Variants in TAF15 observed in about 807,000 individuals in gnomAD.
TAF15 encodes the protein TATA-binding protein-associated factor 2N.
In TAF15, 37 loss-of-function variants were observed where a neutral mutation model predicts 102.5. The ratio of observed to expected loss-of-function variants is 0.36; its 90% CI spans 0.28 to 0.47. TAF15 has a LOEUF of 0.47. TAF15 is among the 20% of genes least tolerant of loss of function. The probability of loss-of-function intolerance (pLI) is 0.99; values close to 1 mark genes in which losing one functional copy is unlikely to be tolerated. For synonymous variants in TAF15, 273 were observed against 259.2 expected (o/e 1.05, Z -0.51); for missense variants, 652 against 760.7 (o/e 0.86, Z 1.68).
At chr17:35,831,925 A>G (rs1348509720) in intron 7 of TAF15, among the ~76,000 whole-genome samples, 2 of 152,060 alleles carry the variant, frequency 1.3e-5, no homozygotes, top group Non-Finnish European at 2.9e-5. Flanking sequence ...TACTAAAAAT[A>G]CAAAAAATTA....
At chr17:35,830,779 G>A (rs188365125) in intron 7 of TAF15, among the ~76,000 whole-genome samples, 68 of 152,238 alleles carry the variant, frequency 4.5e-4, no homozygotes, top group African/African-American at 1.6e-3. Flanking sequence ...AATTACTTGG[G>A]GGATCTTATT....
intron 7 of TAF15, among the ~76,000 whole-genome samples, chr17:35,831,839 T>C (rs2087410337): frequency 1.3e-5 from 2 of 151,598 alleles, no homozygotes; most frequent in Admixed American, 1.3e-4. Context: ...TCCCAGCACT[T>C]TGGGAGCCTG....
In TAF15 at chr17:35,824,226, TTTC is replaced by T. The variant is rs577954608; in HGVS notation, c.605+38_605+40del. 4.2e-4 allele frequency: 676 copies of T among 1,605,708 alleles called. 9 individuals are homozygous for T. The South Asian group carries it at 5.0e-3, about 12-fold the overall frequency. On this transcript the variant is annotated intron_variant, in intron 7 of 15. Transcript: ENST00000605844. ...AAGTATGTAGATAAAGATGCGTACA[TTTC>T]TTCTTCTTCCTCTTTTTTTTTTTTT...
intron 1 of TAF15, chr17:35,816,767 T>G (rs1487041990): frequency 6.6e-6 from 1 of 151,404 alleles, no homozygotes; most frequent in Non-Finnish European, 1.5e-5. Context: ...GAAAAGCTCA[T>G]AGTTCAAATT....
chr17:35,820,798 CT>C (rs1181823847), intron 5 of TAF15, among the ~76,000 whole-genome samples: 1 of 152,006 alleles, frequency 6.6e-6, no homozygotes, highest in Admixed American at 6.6e-5. Flanking sequence ...AATATATTAA[CT>C]TTTCAGGGAC....
At chr17:35,839,122 T>A (rs1366316694) in intron 11 of TAF15, among the ~76,000 whole-genome samples, 1 of 151,216 alleles carries the variant, frequency 6.6e-6, no homozygotes, top group African/African-American at 2.4e-5. Flanking sequence ...AAATTTTTTT[T>A]TTTTTTAAAT....
chr17:35,833,195 C>G (rs2087428165), intron 7 of TAF15, among the ~76,000 whole-genome samples: 1 of 151,880 alleles, frequency 6.6e-6, no homozygotes, highest in South Asian at 2.1e-4. Flanking sequence ...AATATGTTGC[C>G]TGCTGTCTGT....
intron 7 of TAF15, chr17:35,830,133 T>G (rs1424333068): frequency 8.0e-5 from 12 of 149,372 alleles, no homozygotes; most frequent in African/African-American, 2.7e-4. Flanking sequence ...AGAGTGAAAC[T>G]CTTGTCTCAG....
chr17:35,822,416 A>G lies in TAF15; in HGVS notation c.291-224A>G, dbSNP rs571277564. The stretch of plus-strand genomic sequence containing the variant: ...AATTTTTTGCTTTACTGCAGTTTTC[A>G]AAGATACATTTTTTTTCATAATGTG... On this transcript the variant is annotated intron_variant, in intron 5 of 15. Transcript: ENST00000605844. Among the ~76,000 whole-genome samples, 290 of 152,168 alleles carry G rather than the reference A, an allele frequency of 1.9e-3. 2 individuals carry two copies. The highest frequency in any genetic ancestry group is 2.4e-3 in the Non-Finnish European group (164 of 68,014).
chr17:35,817,819 C>G, intron 2 of TAF15, 64 bp downstream of exon 2: 2 of 1,424,562 alleles, frequency 1.4e-6, no homozygotes, highest in Non-Finnish European at 2.0e-6. Context: ...TGTCAAGCTT[C>G]TTCTCTTGAG....
chr17:35,819,558 C>G (rs1383602797), intron 2 of TAF15, among the ~76,000 whole-genome samples: 1 of 152,058 alleles, frequency 6.6e-6, no homozygotes, highest in Non-Finnish European at 1.5e-5. Flanking sequence ...CCCTGTGCAT[C>G]TTTTAGGAAG....
intron 7 of TAF15, among the ~76,000 whole-genome samples, chr17:35,830,972 T>C (rs1350309076): frequency 6.6e-6 from 1 of 152,206 alleles, no homozygotes; most frequent in Non-Finnish European, 1.5e-5. Context: ...TTTTCAAGAT[T>C]GATTAGTTAT....
At position 35,824,060 on chromosome 17, in the gene TAF15, A is replaced by AT. The variant is rs1568255368; in HGVS notation, c.485-17dup. ...AAATGAGAGTGGTTATTTGTGTGTA[A>AT]TATTTTCTTTTTTGTAGATGACCGT... On this transcript the variant is annotated splice_polypyrimidine_tract_variant and intron_variant, in intron 6 of 15. Transcript: ENST00000605844. 1.2e-6 allele frequency: 2 copies of AT among 1,614,078 alleles called. No individual in the cohort carries two copies. The highest frequency in any genetic ancestry group is 1.7e-6 in the Non-Finnish European group (2 of 1,180,008).
At chr17:35,817,333 T>TTAAAA in intron 1 of TAF15, 1 of 220,246 alleles carries the variant, frequency 4.5e-6, no homozygotes, top group Non-Finnish European at 9.0e-6. Context: ...GATGTTCAAG[T>TTAAAA]AGATGTAATC....
chr17:35,835,468 ATT>A (rs1301758150), intron 9 of TAF15, among the ~76,000 whole-genome samples: 2 of 152,354 alleles, frequency 1.3e-5, no homozygotes, highest in African/African-American at 4.8e-5. Context: ...TTAAAAATCT[ATT>A]TGAGCTAAAA....
intron 10 of TAF15, 47 bp from the exon 11 acceptor site, chr17:35,838,377 T>G: frequency 6.2e-7 from 1 of 1,609,910 alleles, no homozygotes; most frequent in Non-Finnish European, 8.5e-7. Flanking sequence ...GATACATGAT[T>G]ACTTATTTTA....
chr17:35,835,556 T>G (rs2087463527), intron 9 of TAF15, among the ~76,000 whole-genome samples: 1 of 152,252 alleles, frequency 6.6e-6, no homozygotes, highest in Non-Finnish European at 1.5e-5. Context: ...AATTATCCCT[T>G]CATGGACTGA....
chr17:35,832,986 ATC>A (rs1335394955), intron 7 of TAF15, among the ~76,000 whole-genome samples: 2 of 151,986 alleles, frequency 1.3e-5, no homozygotes, highest in African/African-American at 4.8e-5. Flanking sequence ...GTGAAATCTC[ATC>A]TCTACTAAAA....
chr17:35,841,569 TTTTTTTGTA>T (rs2087545856), intron 11 of TAF15, among the ~76,000 whole-genome samples: 1 of 151,942 alleles, frequency 6.6e-6, no homozygotes, highest in Non-Finnish European at 1.5e-5. Context: ...ACCCAGTTAA[TTTTTTTGTA>T]TTTTTTGTAG....
Sources: gnomAD v4.1 joint callset for allele counts (sites outside exome capture counted in the v4.1 genomes callset) on GRCh38, gnomAD v4.1.1 for gene constraint, MANE v1.5 for transcripts, NCBI Gene and HGNC (gene_info 2026-07-23, HGNC 2026-07-21) for gene names.